ANGPTL1: variants seen among roughly 807,000 people sequenced by gnomAD.
ANGPTL1 encodes the protein angiopoietin-related protein 1.
A neutral mutation model predicts 46.7 loss-of-function variants in ANGPTL1; 36 were observed. That is an observed-to-expected ratio of 0.77 (90% CI 0.59 to 1.02). ANGPTL1 has a LOEUF of 1.02. Among genes scored for constraint, ANGPTL1 ranks in the 50% least tolerant of loss-of-function variants. ANGPTL1 has a pLI of 0.00. For missense variants in ANGPTL1, 571 were observed against 594.7 expected, an observed-to-expected ratio of 0.96 and a Z score of 0.41; for synonymous variants, 221 against 204.3, an observed-to-expected ratio of 1.08 and a Z score of -0.69.
chr1:178,853,860 A>C, intron 3 of ANGPTL1, 73 bp from the exon 4 acceptor site: 4 of 1,236,926 alleles, frequency 3.2e-6, no homozygotes, highest in Non-Finnish European at 4.4e-6. Context: ...TTTAATCAAG[A>C]TTTTTACCTT....
At chr1:178,861,317 C>T (rs1657994329) in intron 3 of ANGPTL1, among the ~76,000 whole-genome samples, 1 of 152,036 alleles carries the variant, frequency 6.6e-6, no homozygotes, top group South Asian at 2.1e-4. Context: ...AAGTTATCTG[C>T]CCTTAATTTT....
At position 178,850,453 on chromosome 1, in the gene ANGPTL1, T is replaced by G. The variant is rs532893227; in HGVS notation, c.*676A>C. ...AAGATAACACTGAAAAATTCATTCATAGATTTGTCTTTATAAATTGACCAT... is the reference window on the plus strand; with the variant it reads ...AAGATAACACTGAAAAATTCATTCAGAGATTTGTCTTTATAAATTGACCAT... On this transcript the variant is annotated 3_prime_UTR_variant, in exon 6 of 6. Coordinates refer to ENST00000234816, the MANE Select transcript of ANGPTL1 (RefSeq NM_004673.4). The G allele has an allele frequency of 2.0e-5, 3 of 152,348 alleles. No homozygotes were observed. In the South Asian group the frequency reaches 6.2e-4, roughly 32 times the overall value. 9.4% of individuals were successfully genotyped at this position (152,348 alleles called of 1,614,324 possible). A position where few individuals can be genotyped will look rare whatever the true frequency, so the allele number is the denominator to read the frequency against.
chr1:178,858,931 C>G (rs1347719341), intron 3 of ANGPTL1, among the ~76,000 whole-genome samples: 1 of 152,126 alleles, frequency 6.6e-6, no homozygotes, highest in Non-Finnish European at 1.5e-5. Context: ...CAATTCAGAG[C>G]TTTCAAATTA....
At chr1:178,857,496 G>A (rs754942126) in intron 3 of ANGPTL1, among the ~76,000 whole-genome samples, 12 of 152,152 alleles carry the variant, frequency 7.9e-5, no homozygotes, top group Non-Finnish European at 1.6e-4. Flanking sequence ...CAAGTACTTT[G>A]ATGGAGTTAT....
intron 1 of ANGPTL1, among the ~76,000 whole-genome samples, chr1:178,870,402 G>A (rs1658679558): frequency 6.6e-6 from 1 of 152,084 alleles, no homozygotes. Context: ...TAATCATTGT[G>A]CTGTAAGCCT....
chr1:178,857,706 G>A (rs994873994), intron 3 of ANGPTL1, among the ~76,000 whole-genome samples: 5 of 151,890 alleles, frequency 3.3e-5, no homozygotes, highest in Admixed American at 6.6e-5. Context: ...TATCATTTTC[G>A]TAAATGTTTA....
intron 5 of ANGPTL1, 138 bp from the exon 6 acceptor site, chr1:178,851,454 G>A (rs1657170421): frequency 1.4e-6 from 1 of 718,404 alleles, no homozygotes; most frequent in Non-Finnish European, 2.1e-6. Flanking sequence ...AGTTTTAAAT[G>A]CCTTCACTTA....
chr1:178,870,481 C>T (rs899827666), intron 1 of ANGPTL1, among the ~76,000 whole-genome samples: 6 of 152,064 alleles, frequency 3.9e-5, no homozygotes, highest in Admixed American at 6.6e-5. Flanking sequence ...TTCAGAAACC[C>T]AGCATGGCAT....
chr1:178,866,520 T>C (rs1348342952), intron 2 of ANGPTL1, among the ~76,000 whole-genome samples: 1 of 152,156 alleles, frequency 6.6e-6, no homozygotes, highest in African/African-American at 2.4e-5. Flanking sequence ...ACTCTGAGCT[T>C]ATAGATAATT....
chr1:178,859,130 A>C (rs1398585592), intron 3 of ANGPTL1, among the ~76,000 whole-genome samples: 1 of 121,350 alleles, frequency 8.2e-6, no homozygotes, highest in Non-Finnish European at 1.7e-5. Context: ...AACTGTATTT[A>C]GCAACCCAAA....
intron 2 of ANGPTL1, among the ~76,000 whole-genome samples, chr1:178,867,514 G>A (rs1407311427): frequency 1.3e-5 from 2 of 151,952 alleles, no homozygotes; most frequent in African/African-American, 4.8e-5. Flanking sequence ...ACTCAAATGG[G>A]ATTCAAACCT....
chr1:178,870,129 G>A (rs367774719), intron 1 of ANGPTL1, among the ~76,000 whole-genome samples: 2 of 152,176 alleles, frequency 1.3e-5, no homozygotes. Context: ...ATGTAAGCCT[G>A]GAAAGCTATT....
intron 3 of ANGPTL1, among the ~76,000 whole-genome samples, chr1:178,854,344 G>T (rs1374593185): frequency 2.6e-5 from 4 of 152,122 alleles, no homozygotes; most frequent in African/African-American, 9.7e-5. Context: ...CTAGTACCTT[G>T]AGATACTCAT....
intron 3 of ANGPTL1, among the ~76,000 whole-genome samples, chr1:178,857,037 A>T (rs1384427295): frequency 6.6e-6 from 1 of 152,186 alleles, no homozygotes; most frequent in Non-Finnish European, 1.5e-5. Context: ...ACATTATAGA[A>T]ACATGCATTG....
Position 178,865,287 on chromosome 1 carries a change from C to G in ANGPTL1, c.490G>C (p.Glu164Gln). Reference sequence around the variant, plus strand: ...TATCTTGTTGCCATCTTCAACATTTCTGTGGTGACATTGAGGATTTTGTTT... The same window carrying G: ...TATCTTGTTGCCATCTTCAACATTTGTGTGGTGACATTGAGGATTTTGTTT... ...LENKILNVTT[E>Q]MLKMATRYRE... The change falls in exon 3 of 6, where the codon GAA (glutamate) becomes CAA (glutamine). Residue 164 changes from glutamate to glutamine, a missense_variant. Coordinates refer to ENST00000234816, the MANE Select transcript of ANGPTL1 (RefSeq NM_004673.4). The G allele has an allele frequency of 6.2e-7, 1 of 1,614,048 alleles. No homozygotes were observed. Among genetic ancestry groups the G allele is most frequent in the South Asian group, 1.1e-5 (1 of 91,074 alleles).
At position 178,851,274 on chromosome 1, in the gene ANGPTL1, G is replaced by A; in HGVS notation, c.1331C>T (p.Ala444Val). Residue 444 changes from alanine (A) to valine (V), a missense_variant, in exon 6 of 6, where the codon GCC becomes GTC. Coordinates refer to ENST00000234816, the MANE Select transcript of ANGPTL1 (RefSeq NM_004673.4). ...TCCATTTAGGTTAGAATGTGCACAGGCATTGTACCACCAGCCTCCTTTATG... is the reference window on the plus strand; with the variant it reads ...TCCATTTAGGTTAGAATGTGCACAGACATTGTACCACCAGCCTCCTTTATG... ...HFHKGGWWYN[A>V]CAHSNLNGVW... 1 of 1,613,254 alleles carries A rather than the reference G, an allele frequency of 6.2e-7. No individual in the cohort carries two copies. The highest frequency in any genetic ancestry group is 8.5e-7 in the Non-Finnish European group (1 of 1,179,676).
intron 2 of ANGPTL1, among the ~76,000 whole-genome samples, chr1:178,868,791 G>A (rs188963539): frequency 7.9e-5 from 12 of 151,876 alleles, no homozygotes; most frequent in African/African-American, 2.9e-4. Flanking sequence ...ATTTAAAGGA[G>A]GCAACTAAAA....
chr1:178,850,520 T>A lies in ANGPTL1; in HGVS notation c.*609A>T, dbSNP rs1454607530. On this transcript the variant is annotated 3_prime_UTR_variant, in exon 6 of 6. Coordinates refer to ENST00000234816, the MANE Select transcript of ANGPTL1 (RefSeq NM_004673.4). ...TTATTTTTGGGTTTTTTTTTATTTT[T>A]AAAAATGATATGTATTTAATACTAT... 6.6e-6 allele frequency: 1 copy of A among 152,094 alleles called. No individual in the cohort carries two copies. The highest frequency in any genetic ancestry group is 1.5e-5 in the Non-Finnish European group (1 of 68,000). 9.4% of individuals were successfully genotyped at this position (152,094 alleles called of 1,614,324 possible).
At chr1:178,858,180 T>C (rs1396693642) in intron 3 of ANGPTL1, among the ~76,000 whole-genome samples, 2 of 152,154 alleles carry the variant, frequency 1.3e-5, no homozygotes, top group Non-Finnish European at 2.9e-5. Context: ...TATTTATTTG[T>C]ATTTATTTTT....
Sources: gnomAD v4.1 joint callset for allele counts (sites outside exome capture counted in the v4.1 genomes callset) on GRCh38, gnomAD v4.1.1 for gene constraint, MANE v1.5 for transcripts, NCBI Gene and HGNC (gene_info 2026-07-23, HGNC 2026-07-21) for gene names.